The following MNAT1 variants were observed in gnomAD, a reference collection of about 807,000 sequenced individuals.
MNAT1 encodes the protein CDK-activating kinase assembly factor MAT1.
A neutral mutation model predicts 42.0 loss-of-function variants in MNAT1; 43 were observed. The ratio of observed to expected loss-of-function variants is 1.02; its 90% CI spans 0.80 to 1.32. MNAT1 has a LOEUF of 1.32. MNAT1 is among the 40% of genes most tolerant of loss of function. The pLI is 0.00. For missense variants in MNAT1, 306 were observed against 350.4 expected, an observed-to-expected ratio of 0.87 and a Z score of 1.01; for synonymous variants, 118 against 120.0, an observed-to-expected ratio of 0.98 and a Z score of 0.11.
chr14:60,946,470 T>G (rs1476702234), intron 7 of MNAT1, among the ~76,000 whole-genome samples: 1 of 152,186 alleles, frequency 6.6e-6, no homozygotes, highest in African/African-American at 2.4e-5. Context: ...ACCATTCTCT[T>G]ATTCTTCAAA....
intron 7 of MNAT1, among the ~76,000 whole-genome samples, chr14:60,920,665 A>G (rs1369983804): frequency 6.6e-6 from 1 of 151,774 alleles, no homozygotes; most frequent in Non-Finnish European, 1.5e-5. Flanking sequence ...TTGGTCTCGA[A>G]CTCCTGACCT....
chr14:60,954,099 A>C (rs758727071), intron 7 of MNAT1, among the ~76,000 whole-genome samples: 1 of 152,004 alleles, frequency 6.6e-6, no homozygotes, highest in Non-Finnish European at 1.5e-5. Context: ...TGTTTTGATT[A>C]CTTTAGCTTT....
At chr14:60,892,097 G>A in intron 7 of MNAT1, among the ~76,000 whole-genome samples, 1 of 152,010 alleles carries the variant, frequency 6.6e-6, no homozygotes, top group East Asian at 1.9e-4. Flanking sequence ...TGTTCCATGT[G>A]CACTTTAGAG....
chr14:60,803,766 T>C (rs568183905), intron 3 of MNAT1, among the ~76,000 whole-genome samples: 145 of 152,266 alleles, frequency 9.5e-4, no homozygotes, highest in African/African-American at 3.5e-3. Context: ...AAATTGGAGA[T>C]TGAAGTAATT....
Position 60,934,430 on chromosome 14 carries a change from A to G in MNAT1, c.810-33799A>G, listed in dbSNP as rs566814191. On this transcript the variant is annotated intron_variant, in intron 7 of 7. Transcript: ENST00000261245. ...TTGGCTGTGTCCGCACCCAAATCTT[A>G]TCTCGAATTTCCATGTGTCGTGGGA... 2.6e-5 allele frequency among the ~76,000 whole-genome samples: 4 copies of G among 152,252 alleles called. No individual in the cohort carries two copies. In the South Asian group the frequency reaches 8.3e-4, roughly 32 times the overall value.
At chr14:60,844,309 A>G (rs1052630206) in intron 6 of MNAT1, among the ~76,000 whole-genome samples, 4 of 152,148 alleles carry the variant, frequency 2.6e-5, no homozygotes, top group South Asian at 2.1e-4. Flanking sequence ...CTATAGATCA[A>G]TGTGGGGAGA....
intron 7 of MNAT1, among the ~76,000 whole-genome samples, chr14:60,910,450 T>A (rs369350499): frequency 6.6e-6 from 1 of 152,220 alleles, no homozygotes; most frequent in Non-Finnish European, 1.5e-5. Context: ...AGTATGATAT[T>A]GGCTGTGGGT....
Position 60,968,521 on chromosome 14 carries a change from T to C in MNAT1, c.*172T>C. The C allele has an allele frequency of 6.2e-6, 9 of 1,462,048 alleles. No homozygotes were observed. Among genetic ancestry groups the C allele is most frequent in the Non-Finnish European group, 8.2e-6 (9 of 1,099,286 alleles). 90.6% of individuals were successfully genotyped at this position (1,462,048 alleles called of 1,614,324 possible). A position where few individuals can be genotyped will look rare whatever the true frequency, so the allele number is the denominator to read the frequency against. Reference sequence around the variant, plus strand: ...ACTAAGTTGAGTAATATAGGGGATATATATTTGTGAAAAATAATTTTTACT... The same window carrying C: ...ACTAAGTTGAGTAATATAGGGGATACATATTTGTGAAAAATAATTTTTACT... On this transcript the variant is annotated 3_prime_UTR_variant, in exon 8 of 8. Transcript: ENST00000261245.
chr14:60,934,592 CG>C (rs1231369076), intron 7 of MNAT1, among the ~76,000 whole-genome samples: 1 of 152,118 alleles, frequency 6.6e-6, no homozygotes, highest in Non-Finnish European at 1.5e-5. Flanking sequence ...TCTTGTCTGC[CG>C]CCATGTGAGA....
Position 60,818,795 on chromosome 14 carries a change from T to C in MNAT1, c.635T>C (p.Leu212Pro). Residue 212 changes from leucine to proline, a missense_variant, in exon 6 of 8, where the codon CTT becomes CCT. By Grantham distance (98) the Leu-to-Pro change is moderately conservative (BLOSUM62 -3). Coordinates refer to ENST00000261245, the MANE Select transcript of MNAT1 (RefSeq NM_002431.4). ...AGATCTACCCAATTAGAAATGCAAC[T>C]TGAGAAACCCAAACCTGTAAAACCA... is the stretch of plus-strand genomic sequence containing the variant. Reference protein sequence around the residue: ...KDRSTQLEMQLEKPKPVKPVT... With the variant: ...KDRSTQLEMQPEKPKPVKPVT... 1 of 1,613,036 alleles carries C rather than the reference T, an allele frequency of 6.2e-7. No individual in the cohort carries two copies. Among genetic ancestry groups the C allele is most frequent in the East Asian group, 2.2e-5 (1 of 44,800 alleles).
At chr14:60,758,438 A>G (rs1458492435) in intron 1 of MNAT1, among the ~76,000 whole-genome samples, 1 of 151,912 alleles carries the variant, frequency 6.6e-6, no homozygotes, top group Non-Finnish European at 1.5e-5. Flanking sequence ...CCTGGGCTCA[A>G]GTGATCCTCC....
intron 7 of MNAT1, among the ~76,000 whole-genome samples, chr14:60,936,353 A>G (rs2035996537): frequency 6.7e-6 from 1 of 150,004 alleles, no homozygotes; most frequent in South Asian, 2.2e-4. Flanking sequence ...AACATTAGGT[A>G]TATCTCCTAA....
intron 1 of MNAT1, among the ~76,000 whole-genome samples, chr14:60,749,732 A>G (rs968900213): frequency 9.2e-5 from 14 of 152,190 alleles, no homozygotes; most frequent in African/African-American, 3.1e-4. Context: ...CTTAAGTTTC[A>G]GGAATCTTTT....
intron 6 of MNAT1, among the ~76,000 whole-genome samples, chr14:60,858,077 T>G (rs2034005498): frequency 6.6e-6 from 1 of 152,204 alleles, no homozygotes; most frequent in African/African-American, 2.4e-5. Context: ...TATAATCCTT[T>G]TGGTATATAC....
At chr14:60,775,816 T>A (rs547962042) in intron 1 of MNAT1, among the ~76,000 whole-genome samples, 1 of 152,242 alleles carries the variant, frequency 6.6e-6, no homozygotes, top group Admixed American at 6.5e-5. Context: ...GAGGTGAGAA[T>A]GGGAAATGTG....
chr14:60,802,537 AC>A (rs2032239341), intron 3 of MNAT1, among the ~76,000 whole-genome samples: 1 of 152,214 alleles, frequency 6.6e-6, no homozygotes, highest in Non-Finnish European at 1.5e-5. Context: ...AAGAGGAGAT[AC>A]TAAAGAGTGA....
chr14:60,809,522 C>T (rs2032479894), intron 4 of MNAT1, among the ~76,000 whole-genome samples: 1 of 152,078 alleles, frequency 6.6e-6, no homozygotes, highest in African/African-American at 2.4e-5. Flanking sequence ...TAAAATGTTT[C>T]ATTAACCCCA....
intron 1 of MNAT1, among the ~76,000 whole-genome samples, chr14:60,738,561 G>A (rs1447728213): frequency 6.6e-6 from 1 of 150,780 alleles, no homozygotes; most frequent in East Asian, 2.0e-4. Context: ...GGCCTGAGAT[G>A]GAGTTTTGCT....
intron 1 of MNAT1, among the ~76,000 whole-genome samples, chr14:60,771,638 T>A (rs1282059655): frequency 6.6e-6 from 1 of 152,230 alleles, no homozygotes; most frequent in African/African-American, 2.4e-5. Flanking sequence ...TTCTCTGATC[T>A]TATTACAATC....
Sources: gnomAD v4.1 joint callset for allele counts (sites outside exome capture counted in the v4.1 genomes callset) on GRCh38, gnomAD v4.1.1 for gene constraint, MANE v1.5 for transcripts, NCBI Gene and HGNC (gene_info 2026-07-23, HGNC 2026-07-21) for gene names.